Variants in CFTR observed in about 807,000 individuals in gnomAD.
CFTR encodes the protein CF transmembrane conductance regulator.
Under a neutral mutation model 171.6 loss-of-function variants are expected in CFTR, and 181 were observed. The observed-to-expected ratio is 1.05, with a 90% CI of 0.93 to 1.19. The LOEUF (loss-of-function observed/expected upper bound fraction) is 1.19, where lower values mean the gene tolerates loss of function less well. Ranked by LOEUF, CFTR falls within the 50% of genes most tolerant of loss-of-function variation. The pLI, the probability that CFTR is intolerant of heterozygous loss-of-function variation, is 0.00. For missense variants in CFTR, 1,968 were observed against 1,734.7 expected (o/e 1.13, Z -2.39); for synonymous variants, 583 against 608.0 (o/e 0.96, Z 0.60).
chr7:117,559,613 A>G lies in CFTR; in HGVS notation c.1542A>G (p.Glu514=). ...ENIIFGVSYD[E]YRYRSVIKAC... The stretch of plus-strand genomic sequence containing the variant: ...TCATCTTTGGTGTTTCCTATGATGA[A>G]TATAGATACAGAAGCGTCATCAAAG... Residue 514 remains glutamate, a synonymous_variant, in exon 11 of 27, where the codon GAA becomes GAG. Coordinates refer to ENST00000003084, the MANE Select transcript of CFTR (RefSeq NM_000492.4). 1 of 1,613,378 alleles carries G rather than the reference A, an allele frequency of 6.2e-7. No individual in the cohort carries two copies. Among genetic ancestry groups the G allele is most frequent in the Non-Finnish European group, 8.5e-7 (1 of 1,179,520 alleles).
intron 22 of CFTR, among the ~76,000 whole-genome samples, chr7:117,632,507 G>A (rs1335729761): frequency 1.3e-5 from 2 of 150,778 alleles, no homozygotes; most frequent in South Asian, 2.1e-4. Context: ...AGGCTGCAGC[G>A]AGCTGTGATG....
chr7:117,502,286 A>G (rs1462479081), intron 1 of CFTR, among the ~76,000 whole-genome samples: 1 of 152,254 alleles, frequency 6.6e-6, no homozygotes, highest in Non-Finnish European at 1.5e-5. Flanking sequence ...TTTGCCATTT[A>G]GTAAAGTTTA....
intron 1 of CFTR, among the ~76,000 whole-genome samples, chr7:117,493,254 G>A (rs1206897831): frequency 2.6e-5 from 4 of 151,846 alleles, no homozygotes; most frequent in Non-Finnish European, 5.9e-5. Flanking sequence ...TTGCTTATTA[G>A]GATTGGTTAA....
In CFTR at chr7:117,542,375, G is replaced by A. The variant is rs1799069946; in HGVS notation, c.1209+267G>A. 2.6e-5 allele frequency among the ~76,000 whole-genome samples: 4 copies of A among 151,680 alleles called. 1 individual carries two copies. In the South Asian group the frequency reaches 6.2e-4, roughly 24 times the overall value. Reference sequence around the variant, plus strand: ...CAGCCTGGCCAACATGGTAAAACCCGGTCTCTACTAAAAATACAAAAAATT... The same window carrying A: ...CAGCCTGGCCAACATGGTAAAACCCAGTCTCTACTAAAAATACAAAAAATT... On this transcript the variant is annotated intron_variant, in intron 9 of 26. Coordinates refer to ENST00000003084, the MANE Select transcript of CFTR (RefSeq NM_000492.4).
chr7:117,632,917 A>G (rs1464335633), intron 22 of CFTR, among the ~76,000 whole-genome samples: 5 of 152,258 alleles, frequency 3.3e-5, no homozygotes, highest in Admixed American at 2.0e-4. Flanking sequence ...TAATTCAACT[A>G]TAAGCTAAAC....
intron 20 of CFTR, among the ~76,000 whole-genome samples, chr7:117,613,558 A>G (rs1026400778): frequency 1.3e-5 from 2 of 152,158 alleles, no homozygotes; most frequent in Non-Finnish European, 2.9e-5. Flanking sequence ...TGCCTGGTCC[A>G]TGGTAAATAC....
At chr7:117,563,439 T>C (rs566976127) in intron 11 of CFTR, among the ~76,000 whole-genome samples, 5 of 152,272 alleles carry the variant, frequency 3.3e-5, no homozygotes, top group African/African-American at 1.2e-4. Flanking sequence ...GTCATTTTTA[T>C]GTACTGTTTG....
intron 17 of CFTR, among the ~76,000 whole-genome samples, chr7:117,606,132 T>C (rs1792296841): frequency 6.6e-6 from 1 of 152,054 alleles, no homozygotes; most frequent in African/African-American, 2.4e-5. Flanking sequence ...GATGACAGGT[T>C]GAAATGTAGA....
intron 11 of CFTR, among the ~76,000 whole-genome samples, chr7:117,587,226 C>T (rs1029666055): frequency 6.6e-6 from 1 of 152,064 alleles, no homozygotes; most frequent in South Asian, 2.1e-4. Flanking sequence ...GTGACAGAAG[C>T]ATGGAAAGGA....
chr7:117,480,161 C>T lies in CFTR; in HGVS notation c.53+14C>T. 1.2e-6 allele frequency: 2 copies of T among 1,613,524 alleles called. No individual in the cohort carries two copies. Among genetic ancestry groups the T allele is most frequent in the South Asian group, 1.1e-5 (1 of 91,054 alleles). On this transcript the variant is annotated intron_variant, in intron 1 of 26. Transcript: ENST00000003084. Reference sequence around the variant, plus strand: ...ACTTTTTTTCAGGTGAGAAGGTGGCCAACCGAGCTTCGGAAAGACACGTGC... The same window carrying T: ...ACTTTTTTTCAGGTGAGAAGGTGGCTAACCGAGCTTCGGAAAGACACGTGC...
At position 117,534,964 on chromosome 7, in the gene CFTR, A is replaced by T. The variant is rs1255455681; in HGVS notation, c.580-284A>T. ...AAGAAGTAAGTTACTTAAAACCTGGACATGATACTTAAGATGTCCAATCTT... is the reference window on the plus strand; with the variant it reads ...AAGAAGTAAGTTACTTAAAACCTGGTCATGATACTTAAGATGTCCAATCTT... On this transcript the variant is annotated intron_variant, in intron 5 of 26. Transcript: ENST00000003084. 2.0e-5 allele frequency among the ~76,000 whole-genome samples: 3 copies of T among 152,330 alleles called. No individual in the cohort carries two copies. The East Asian group carries it at 5.8e-4, about 29-fold the overall frequency.
intron 23 of CFTR, among the ~76,000 whole-genome samples, chr7:117,646,364 A>G (rs1341913486): frequency 6.6e-6 from 1 of 152,174 alleles, no homozygotes; most frequent in Admixed American, 6.6e-5. Flanking sequence ...GAAAGTGATA[A>G]TTAAGGCGGT....
chr7:117,646,357 AG>A (rs1452675707), intron 23 of CFTR, among the ~76,000 whole-genome samples: 1 of 152,162 alleles, frequency 6.6e-6, no homozygotes, highest in Non-Finnish European at 1.5e-5. Context: ...TCACAAAGAA[AG>A]TGATAATTAA....
At chr7:117,626,717 G>A (rs1190830237) in intron 21 of CFTR, among the ~76,000 whole-genome samples, 1 of 151,506 alleles carries the variant, frequency 6.6e-6, no homozygotes, top group Non-Finnish European at 1.5e-5. Context: ...CTTATTATAT[G>A]CCAAGTTGTT....
chr7:117,604,272 T>C (rs1207324935), intron 17 of CFTR, among the ~76,000 whole-genome samples: 1 of 152,208 alleles, frequency 6.6e-6, no homozygotes, highest in Non-Finnish European at 1.5e-5. Flanking sequence ...AAACTATTTT[T>C]ATATCATCAT....
At chr7:117,590,555 G>A in intron 13 of CFTR, 116 bp downstream of exon 13, 2 of 1,285,924 alleles carry the variant, frequency 1.6e-6, no homozygotes, top group Non-Finnish European at 2.1e-6. Context: ...TTGTTGGTAT[G>A]GCAGAATGTA....
rs191905232 is a variant in CFTR at position 117,488,849 on chromosome 7, G to A, written c.53+8702G>A. On this transcript the variant is annotated intron_variant, in intron 1 of 26. Transcript: ENST00000003084. ...AGTGTTATGTTTCTGAAATCGAGAT[G>A]CCTTTTATAATTGATGTCAAAAGAA... 5.9e-4 allele frequency among the ~76,000 whole-genome samples: 89 copies of A among 152,118 alleles called. 1 individual carries two copies. The highest frequency in any genetic ancestry group is 2.1e-3 in the African/African-American group (88 of 41,520).
chr7:117,551,867 C>T (rs1799276960), intron 10 of CFTR, among the ~76,000 whole-genome samples: 1 of 152,098 alleles, frequency 6.6e-6, no homozygotes, highest in South Asian at 2.1e-4. Context: ...TTCCTGACAC[C>T]ACCTTGTCTC....
intron 1 of CFTR, among the ~76,000 whole-genome samples, chr7:117,480,468 C>T (rs1214871373): frequency 6.6e-6 from 1 of 152,080 alleles, no homozygotes; most frequent in African/African-American, 2.4e-5. Flanking sequence ...TAATAAGTAC[C>T]TAAGTATGGT....
Sources: allele counts gnomAD v4.1 joint callset (sites outside exome capture counted in the v4.1 genomes callset), GRCh38; gene constraint gnomAD v4.1.1; transcripts MANE v1.5; gene names NCBI Gene and HGNC (gene_info 2026-07-23, HGNC 2026-07-21).